Variants in MAP2K5 observed in about 807,000 individuals in gnomAD.
MAP2K5 encodes dual specificity mitogen-activated protein kinase kinase 5.
MAP2K5 carries 49 observed loss-of-function variants against 83.1 expected under a neutral mutation model. The observed-to-expected ratio is 0.59, with a 90% CI of 0.47 to 0.75. The LOEUF is 0.75. Among genes scored for constraint, MAP2K5 ranks in the 30% least tolerant of loss-of-function variants. The pLI, the probability that MAP2K5 is intolerant of heterozygous loss-of-function variation, is 0.00. For synonymous variants in MAP2K5, 202 were observed against 191.8 expected, an observed-to-expected ratio of 1.05 and a Z score of -0.44; for missense variants, 457 against 557.5, an observed-to-expected ratio of 0.82 and a Z score of 1.82.
intron 16 of MAP2K5, among the ~76,000 whole-genome samples, chr15:67,705,112 A>G (rs1216121658): frequency 6.6e-6 from 1 of 152,216 alleles, no homozygotes; most frequent in African/African-American, 2.4e-5. Flanking sequence ...CAGCAACTCT[A>G]GAGTTGTGTG....
chr15:67,626,595 G>A (rs2086330239), intron 8 of MAP2K5, among the ~76,000 whole-genome samples: 2 of 152,046 alleles, frequency 1.3e-5, no homozygotes, highest in South Asian at 4.2e-4. Flanking sequence ...GTATCACTTT[G>A]TACAAAGTAT....
At chr15:67,588,036 A>T in intron 6 of MAP2K5, 1 of 958,966 alleles carries the variant, frequency 1.0e-6, no homozygotes, top group Non-Finnish European at 1.2e-6. Context: ...AGCTGGAGCC[A>T]TCTTGCCAGT....
Position 67,720,789 on chromosome 15 carries a change from C to A in MAP2K5, c.1045-7127C>A, listed in dbSNP as rs2088942297. ...GGCTCGAAAGCACATATGCTCCAGT[C>A]ACAGCTAAACTTTGCTGGAGTAATA... On this transcript the variant is annotated intron_variant, in intron 16 of 21. Coordinates refer to ENST00000178640, the MANE Select transcript of MAP2K5 (RefSeq NM_145160.3). The surrounding 1 kb of genome is among the most constrained non-coding windows in gnomAD (Gnocchi z 5.7). Among the ~76,000 whole-genome samples the A allele has an allele frequency of 6.6e-6, 1 of 152,172 alleles. No homozygotes were observed.
At position 67,783,477 on chromosome 15, in the gene MAP2K5, GGC is replaced by G. The variant is rs1283180612; in HGVS notation, c.1242+10726_1242+10727del. On this transcript the variant is annotated intron_variant, in intron 21 of 21. Coordinates refer to ENST00000178640, the MANE Select transcript of MAP2K5 (RefSeq NM_145160.3). The surrounding 1 kb of genome is among the most constrained non-coding windows in gnomAD (Gnocchi z 5.1). ...ACTTCTCCACCTCCGAAACCCAACT[GGC>G]ACAACCTCTGTGAAGCTTTGCTAAG... is the stretch of plus-strand genomic sequence containing the variant. Among the ~76,000 whole-genome samples the G allele has an allele frequency of 6.6e-6, 1 of 152,144 alleles. No individual in the cohort carries two copies. Among genetic ancestry groups the G allele is most frequent in the Non-Finnish European group, 1.5e-5 (1 of 68,034 alleles).
At chr15:67,591,399 G>C (rs1398815919) in intron 6 of MAP2K5, among the ~76,000 whole-genome samples, 1 of 151,236 alleles carries the variant, frequency 6.6e-6, no homozygotes, top group Non-Finnish European at 1.5e-5. Flanking sequence ...TATTGAGATG[G>C]AGTCTCGCTC....
intron 15 of MAP2K5, among the ~76,000 whole-genome samples, chr15:67,699,440 A>C (rs1482173468): frequency 6.6e-6 from 1 of 152,218 alleles, no homozygotes; most frequent in Admixed American, 6.5e-5. Flanking sequence ...AGTCCCGGGA[A>C]ACTGAAGAGG....
At chr15:67,634,832 G>A (rs772813649) in intron 9 of MAP2K5, among the ~76,000 whole-genome samples, 1 of 152,070 alleles carries the variant, frequency 6.6e-6, no homozygotes, top group Non-Finnish European at 1.5e-5. Context: ...GCAGCATACA[G>A]TTGGGTCTTA....
chr15:67,671,930 A>C (rs1422815543), intron 13 of MAP2K5, among the ~76,000 whole-genome samples: 1 of 150,794 alleles, frequency 6.6e-6, no homozygotes, highest in Non-Finnish European at 1.5e-5. Context: ...TTTTGTCCTC[A>C]TGATAGTTTA....
chr15:67,550,162 G>A, intron 2 of MAP2K5, 80 bp downstream of exon 2: 5 of 1,071,272 alleles, frequency 4.7e-6, no homozygotes, highest in Non-Finnish European at 7.2e-6. Context: ...CATTACTTTA[G>A]AAACTGACAA....
At chr15:67,650,820 T>C (rs926755459) in intron 11 of MAP2K5, among the ~76,000 whole-genome samples, 11 of 152,232 alleles carry the variant, frequency 7.2e-5, no homozygotes, top group African/African-American at 2.7e-4. Context: ...CTGATTTTGG[T>C]ATCAGGATAA....
rs367818715 is a variant in MAP2K5 at position 67,692,429 on chromosome 15, G to A, written c.848-50G>A. On this transcript the variant is annotated intron_variant, in intron 13 of 21. Coordinates refer to ENST00000178640, the MANE Select transcript of MAP2K5 (RefSeq NM_145160.3). ...GCATGTGTGCTTTTAAAGAACAAAC[G>A]CTGTAGATACATGGAATTAGTTACA... 2.5e-5 allele frequency: 33 copies of A among 1,317,110 alleles called. No individual in the cohort carries two copies. In the African/African-American group the frequency reaches 3.9e-4, roughly 16 times the overall value. 81.6% of individuals were successfully genotyped at this position (1,317,110 alleles called of 1,614,324 possible).
intron 4 of MAP2K5, among the ~76,000 whole-genome samples, chr15:67,581,800 C>G (rs1297763465): frequency 6.6e-6 from 1 of 152,138 alleles, no homozygotes; most frequent in Admixed American, 6.5e-5. Context: ...GGCCAACCCA[C>G]AAGAAGATCT....
intron 3 of MAP2K5, among the ~76,000 whole-genome samples, chr15:67,575,734 G>A (rs1169476802): frequency 6.6e-6 from 1 of 152,062 alleles, no homozygotes; most frequent in Non-Finnish European, 1.5e-5. Context: ...CTGTTAAATA[G>A]AGGTGATGAT....
At chr15:67,600,824 A>C in intron 8 of MAP2K5, 75 bp downstream of exon 8, 2 of 1,071,456 alleles carry the variant, frequency 1.9e-6, no homozygotes, top group Non-Finnish European at 2.8e-6. Flanking sequence ...TGTGGCAAAG[A>C]TTTTTAAATG....
At chr15:67,681,877 C>G (rs1442594313) in intron 13 of MAP2K5, among the ~76,000 whole-genome samples, 1 of 152,164 alleles carries the variant, frequency 6.6e-6, no homozygotes, top group Non-Finnish European at 1.5e-5. Context: ...TTCAATAAAA[C>G]TAATTGATAA....
chr15:67,678,483 T>TAAA lies in MAP2K5; in HGVS notation c.847+13840_847+13842dup, dbSNP rs2087734664. ...TTCTAAGAGCATTCAGTGAGACATGTAAAAGTTCAGAGCAAATTAAATGTT... is the reference window on the plus strand; with the variant it reads ...TTCTAAGAGCATTCAGTGAGACATGTAAAAAAAGTTCAGAGCAAATTAAATGTT... On this transcript the variant is annotated intron_variant, in intron 13 of 21. Transcript: ENST00000178640. Among the ~76,000 whole-genome samples, 3 of 152,306 alleles carry TAAA rather than the reference T, an allele frequency of 2.0e-5. No homozygotes were observed. In the South Asian group the frequency reaches 6.2e-4, roughly 32 times the overall value.
At chr15:67,700,825 G>A (rs2088398313) in intron 15 of MAP2K5, among the ~76,000 whole-genome samples, 1 of 151,542 alleles carries the variant, frequency 6.6e-6, no homozygotes. Context: ...CTTATTGCAA[G>A]AATAATTTCC....
Position 67,676,034 on chromosome 15 carries a change from CTG to C in MAP2K5, c.847+11394_847+11395del, listed in dbSNP as rs2087674218. ...GCAGGGGATTGGGATTTGAAGCAGA[CTG>C]TGTGATCGTTGTGTGTTTTGGCTCA... On this transcript the variant is annotated intron_variant, in intron 13 of 21. Transcript: ENST00000178640. This position sits in a 1 kb window ranked among gnomAD's most constrained non-coding sequence, Gnocchi z 4.8. Among the ~76,000 whole-genome samples the C allele has an allele frequency of 6.6e-6, 1 of 152,194 alleles. No individual in the cohort carries two copies. The highest frequency in any genetic ancestry group is 2.4e-5 in the African/African-American group (1 of 41,452).
chr15:67,753,164 C>T (rs2089760783), intron 19 of MAP2K5, among the ~76,000 whole-genome samples: 2 of 152,070 alleles, frequency 1.3e-5, no homozygotes, highest in South Asian at 4.2e-4. Flanking sequence ...AATTTGGACC[C>T]CTACCTTTCA....
Sources: allele counts gnomAD v4.1 joint callset (sites outside exome capture counted in the v4.1 genomes callset), GRCh38; gene constraint gnomAD v4.1.1; non-coding constraint Gnocchi (gnomAD v3.1); transcripts MANE v1.5; gene names NCBI Gene and HGNC (gene_info 2026-07-23, HGNC 2026-07-21).